PDE10A: variants seen among roughly 807,000 people sequenced by gnomAD.
PDE10A encodes the protein phosphodiesterase 10A.
A neutral mutation model predicts 97.7 loss-of-function variants in PDE10A; 39 were observed. The ratio of observed to expected loss-of-function variants is 0.40; its 90% CI spans 0.31 to 0.52. PDE10A has a LOEUF of 0.52. Ranked by LOEUF, PDE10A falls within the 20% of genes least tolerant of loss-of-function variation. PDE10A has a pLI of 0.56. For synonymous variants in PDE10A, 371 were observed against 376.8 expected, an observed-to-expected ratio of 0.98 and a Z score of 0.18; for missense variants, 731 against 1,047.8, an observed-to-expected ratio of 0.70 and a Z score of 4.17.
Position 165,524,606 on chromosome 6 carries a change from G to A in PDE10A, c.994+18834C>T, listed in dbSNP as rs1319854410. ...TGATGAAAAAAATGATGAACCCAGGGATTCTGTCTCCTGGCTTCAGAAGCA... is the reference window on the plus strand; with the variant it reads ...TGATGAAAAAAATGATGAACCCAGGAATTCTGTCTCCTGGCTTCAGAAGCA... On this transcript the variant is annotated intron_variant, in intron 2 of 21. Transcript: ENST00000539869. 2.0e-5 allele frequency among the ~76,000 whole-genome samples: 3 copies of A among 152,086 alleles called. No individual in the cohort carries two copies. The East Asian group carries it at 5.8e-4, about 29-fold the overall frequency.
chr6:165,640,148 T>A (rs1348215185), intron 1 of PDE10A, among the ~76,000 whole-genome samples: 1 of 152,058 alleles, frequency 6.6e-6, no homozygotes, highest in Non-Finnish European at 1.5e-5. Flanking sequence ...TCTTTCCCAT[T>A]AGGGTATAGG....
chr6:165,803,340 T>C (rs913675855), intron 1 of PDE10A, among the ~76,000 whole-genome samples: 5 of 152,224 alleles, frequency 3.3e-5, no homozygotes, highest in African/African-American at 1.2e-4. Flanking sequence ...GACCCTTAAA[T>C]GTATATTTCT....
chr6:165,428,400 T>C (rs1789317563), intron 10 of PDE10A, among the ~76,000 whole-genome samples: 1 of 152,074 alleles, frequency 6.6e-6, no homozygotes, highest in Non-Finnish European at 1.5e-5. Context: ...TTGAAGAACA[T>C]AAAAAGAAAC....
At chr6:165,346,092 C>A (rs1251358771) in intron 18 of PDE10A, among the ~76,000 whole-genome samples, 1 of 152,158 alleles carries the variant, frequency 6.6e-6, no homozygotes, top group Admixed American at 6.6e-5. Flanking sequence ...AGGAGTTTAA[C>A]TTTTATTCCA....
At position 165,795,707 on chromosome 6, in the gene PDE10A, G is replaced by A. The variant is rs567747785; in HGVS notation, c.-615+191822C>T. ...GTGGAGGCTGCAGTGAGCCAAGATC[G>A]CGCTACTGCAAGATCCAGCCTGGGC... On this transcript the variant is annotated intron_variant, in intron 1 of 19. Transcript: ENST00000366882. 1.3e-4 allele frequency among the ~76,000 whole-genome samples: 20 copies of A among 152,222 alleles called. No homozygotes were observed. In the South Asian group the frequency reaches 3.7e-3, roughly 28 times the overall value.
intron 1 of PDE10A, among the ~76,000 whole-genome samples, chr6:165,747,152 G>T (rs113287136): frequency 0.014 from 2,203 of 152,220 alleles, 27 homozygotes; most frequent in African/African-American, 0.02. Context: ...AGAGAAAGTG[G>T]TTGACACTTT....
intron 3 of PDE10A, among the ~76,000 whole-genome samples, chr6:165,453,996 A>T (rs565345313): frequency 6.6e-6 from 1 of 152,342 alleles, no homozygotes; most frequent in South Asian, 2.1e-4. Flanking sequence ...AGGGAGCCTA[A>T]CCCCAACTCC....
At chr6:165,672,176 C>T (rs970014012) in intron 1 of PDE10A, among the ~76,000 whole-genome samples, 4 of 152,136 alleles carry the variant, frequency 2.6e-5, no homozygotes, top group African/African-American at 4.8e-5. Flanking sequence ...TCATTAATTA[C>T]GTAAAGGTAT....
At chr6:165,929,491 T>C (rs1561254) in intron 1 of PDE10A, among the ~76,000 whole-genome samples, 31,755 of 152,132 alleles carry the variant, frequency 0.21, 3,559 homozygotes, top group East Asian at 0.27. Flanking sequence ...TACAACCACT[T>C]AGGTTGGGTC....
At chr6:165,369,134 C>T (rs1449139434) in intron 18 of PDE10A, among the ~76,000 whole-genome samples, 1 of 152,006 alleles carries the variant, frequency 6.6e-6, no homozygotes, top group Non-Finnish European at 1.5e-5. Flanking sequence ...GGGGAAAAAA[C>T]AGAGCAGAAA....
chr6:165,511,132 A>G (rs985481086), intron 2 of PDE10A, among the ~76,000 whole-genome samples: 1 of 148,944 alleles, frequency 6.7e-6, no homozygotes, highest in Non-Finnish European at 1.5e-5. Flanking sequence ...GTTTATTTGA[A>G]CTCCTACTTT....
At chr6:165,348,626 CTCTT>C (rs1031909092) in intron 18 of PDE10A, among the ~76,000 whole-genome samples, 90 of 152,322 alleles carry the variant, frequency 5.9e-4, no homozygotes, top group African/African-American at 2.1e-3. Flanking sequence ...TCCTCTCTCT[CTCTT>C]TTCTGTTCCT....
intron 1 of PDE10A, among the ~76,000 whole-genome samples, chr6:165,742,201 C>T (rs941744675): frequency 2.0e-5 from 3 of 152,166 alleles, no homozygotes; most frequent in African/African-American, 7.2e-5. Context: ...CTAGTCTGTG[C>T]GCCTTCAAAA....
intron 1 of PDE10A, among the ~76,000 whole-genome samples, chr6:165,791,014 C>T (rs1379989458): frequency 5.9e-5 from 9 of 152,022 alleles, no homozygotes; most frequent in Non-Finnish European, 1.3e-4. Flanking sequence ...TTCTCCTACC[C>T]CTTAACCCCA....
chr6:165,865,887 T>G (rs1171740150), intron 1 of PDE10A, among the ~76,000 whole-genome samples: 1 of 152,072 alleles, frequency 6.6e-6, no homozygotes, highest in African/African-American at 2.4e-5. Context: ...TAAAAAAAAT[T>G]ATCAAGTCTT....
chr6:165,406,942 G>T (rs1265498686), intron 13 of PDE10A, among the ~76,000 whole-genome samples: 4 of 152,040 alleles, frequency 2.6e-5, no homozygotes, highest in African/African-American at 9.7e-5. Flanking sequence ...CAAGCCTTTG[G>T]CCTCTGACTC....
At position 165,908,226 on chromosome 6, in the gene PDE10A, G is replaced by A. The variant is rs116024769; in HGVS notation, c.-615+79303C>T. Among the ~76,000 whole-genome samples the A allele has an allele frequency of 1.3e-4, 20 of 152,292 alleles. No homozygotes were observed. The East Asian group carries it at 2.5e-3, about 19-fold the overall frequency. ...AAGGAGTCGGGCTCTGTCCCTGTTC[G>A]CAGAGAGCCAGCGAGGGCTGCCATG... is the stretch of plus-strand genomic sequence containing the variant. On this transcript the variant is annotated intron_variant, in intron 1 of 19. Coordinates refer to the PDE10A transcript ENST00000366882.
chr6:165,626,909 G>T (rs1788415040), intron 1 of PDE10A, among the ~76,000 whole-genome samples: 1 of 152,206 alleles, frequency 6.6e-6, no homozygotes, highest in African/African-American at 2.4e-5. Flanking sequence ...TATGACACGG[G>T]CTTAGTTTAG....
At chr6:165,718,605 C>G (rs1792085095) in intron 1 of PDE10A, among the ~76,000 whole-genome samples, 1 of 152,112 alleles carries the variant, frequency 6.6e-6, no homozygotes, top group African/African-American at 2.4e-5. Flanking sequence ...CTTCCTGTTC[C>G]TAGAATGCAG....
Sources: gnomAD v4.1 joint callset for allele counts (sites outside exome capture counted in the v4.1 genomes callset) on GRCh38, gnomAD v4.1.1 for gene constraint, MANE v1.5 for transcripts, NCBI Gene and HGNC (gene_info 2026-07-23, HGNC 2026-07-21) for gene names.